Variants in DIS3L2 observed in about 807,000 individuals in gnomAD.
The protein encoded by DIS3L2 is DIS3-like exonuclease 2.
A neutral mutation model predicts 97.5 loss-of-function variants in DIS3L2; 34 were observed. That is an observed-to-expected ratio of 0.35 (90% confidence interval 0.27 to 0.46). The LOEUF is 0.46. Among genes scored for constraint, DIS3L2 ranks in the 20% least tolerant of loss-of-function variants. DIS3L2 has a pLI of 1.00. For synonymous variants in DIS3L2, 435 were observed against 445.2 expected, an observed-to-expected ratio of 0.98 and a Z score of 0.29; for missense variants, 1,038 against 1,146.0, an observed-to-expected ratio of 0.91 and a Z score of 1.36.
intron 13 of DIS3L2, among the ~76,000 whole-genome samples, chr2:232,291,457 G>C (rs1267481672): frequency 6.6e-6 from 1 of 152,272 alleles, no homozygotes; most frequent in Non-Finnish European, 1.5e-5. Context: ...GCTTAAGGAA[G>C]AGTTGGACAC....
chr2:231,986,498 T>C (rs1574788013), intron 1 of DIS3L2, among the ~76,000 whole-genome samples: 1 of 152,216 alleles, frequency 6.6e-6, no homozygotes, highest in African/African-American at 2.4e-5. Context: ...CTGGTCTGGG[T>C]CCACATATTG....
At chr2:232,026,942 G>A (rs1694675538) in intron 4 of DIS3L2, among the ~76,000 whole-genome samples, 1 of 152,054 alleles carries the variant, frequency 6.6e-6, no homozygotes, top group African/African-American at 2.4e-5. Flanking sequence ...TCCTGCTTGA[G>A]TCGTAATATT....
chr2:232,252,278 G>A (rs188121083), intron 12 of DIS3L2, among the ~76,000 whole-genome samples: 1,741 of 152,190 alleles, frequency 0.011, 26 homozygotes, highest in Middle Eastern at 0.02. Context: ...GCCTGGTGGC[G>A]GGCACCTATA....
At chr2:232,282,791 T>C (rs941386928) in intron 13 of DIS3L2, among the ~76,000 whole-genome samples, 5 of 152,174 alleles carry the variant, frequency 3.3e-5, no homozygotes, top group African/African-American at 1.2e-4. Flanking sequence ...TCTGGAGGCG[T>C]CCTGTGCTAA....
At chr2:232,306,501 C>A (rs755674133) in intron 14 of DIS3L2, among the ~76,000 whole-genome samples, 2 of 152,028 alleles carry the variant, frequency 1.3e-5, no homozygotes, top group African/African-American at 2.4e-5. Context: ...TCTCATTATT[C>A]TTCTATACTC....
chr2:232,198,562 G>A (rs1691816221), intron 9 of DIS3L2: 1 of 152,226 alleles, frequency 6.6e-6, no homozygotes, highest in Non-Finnish European at 1.5e-5. Flanking sequence ...AGAAAGAGAT[G>A]TTCAGAGAGA....
At chr2:232,148,748 CTTTTT>C (rs34837114) in intron 8 of DIS3L2, among the ~76,000 whole-genome samples, 118 of 98,896 alleles carry the variant, frequency 1.2e-3, no homozygotes, top group African/African-American at 2.6e-3. Flanking sequence ...AATTTTCTTT[CTTTTT>C]TTTTTTTTTT....
chr2:232,342,448 G>T (rs1304377619), intron 13 of DIS3L2, among the ~76,000 whole-genome samples: 2 of 152,148 alleles, frequency 1.3e-5, no homozygotes, highest in Middle Eastern at 3.2e-3. Context: ...ACTGCTGTTT[G>T]TTTTAACAAA....
intron 1 of DIS3L2, among the ~76,000 whole-genome samples, chr2:231,973,871 TACAACAACTATA>T (rs1692996958): frequency 6.6e-6 from 1 of 151,968 alleles, no homozygotes; most frequent in Non-Finnish European, 1.5e-5. Context: ...AACTAATAAT[TACAACAACTATA>T]ACAACAACCA....
At chr2:232,030,231 G>T in intron 5 of DIS3L2, 151 bp downstream of exon 5, 1 of 658,964 alleles carries the variant, frequency 1.5e-6, no homozygotes. Context: ...GCTACCGAAT[G>T]CTTGGAACTT....
chr2:232,281,586 T>C lies in DIS3L2; in HGVS notation c.1659+18146T>C, dbSNP rs1384076211. On this transcript the variant is annotated intron_variant, in intron 13 of 20. Coordinates refer to ENST00000325385, the MANE Select transcript of DIS3L2 (RefSeq NM_152383.5). The surrounding 1 kb of genome is among the most constrained non-coding windows in gnomAD (Gnocchi z 4.1). ...AGCCAGTTAGATGGCTGTGGCTGTA[T>C]GCAGGTGAGGCCACACAGCTGACAG... Among the ~76,000 whole-genome samples, 2 of 152,058 alleles carry C rather than the reference T, an allele frequency of 1.3e-5. No individual in the cohort carries two copies. The highest frequency in any genetic ancestry group is 2.9e-5 in the Non-Finnish European group (2 of 68,010).
At chr2:232,081,174 C>T (rs1034742244) in intron 5 of DIS3L2, among the ~76,000 whole-genome samples, 7 of 152,064 alleles carry the variant, frequency 4.6e-5, no homozygotes, top group African/African-American at 9.7e-5. Flanking sequence ...AAAAATACTT[C>T]GTAGGTGGTG....
intron 9 of DIS3L2, among the ~76,000 whole-genome samples, chr2:232,186,969 G>A (rs1451326647): frequency 3.3e-5 from 5 of 152,132 alleles, no homozygotes; most frequent in African/African-American, 9.7e-5. Flanking sequence ...TAAAAATTTT[G>A]TGCTTTGAAG....
chr2:232,113,340 A>C (rs1021922366), intron 6 of DIS3L2, among the ~76,000 whole-genome samples: 1 of 152,212 alleles, frequency 6.6e-6, no homozygotes, highest in Non-Finnish European at 1.5e-5. Flanking sequence ...TGCTCATTCC[A>C]CTACTCAGTA....
intron 11 of DIS3L2, among the ~76,000 whole-genome samples, chr2:232,239,772 A>T (rs1330037188): frequency 6.6e-6 from 1 of 152,232 alleles, no homozygotes; most frequent in Non-Finnish European, 1.5e-5. Context: ...AGGTATTGGC[A>T]CTTCTGGAGC....
chr2:232,341,060 G>C (rs919437260), downstream of DIS3L2: 6 of 397,582 alleles, frequency 1.5e-5, no homozygotes, highest in Non-Finnish European at 3.0e-5. Flanking sequence ...GAGGCACAAT[G>C]ATTGCCACCG....
chr2:232,158,237 A>G (rs554385064), intron 8 of DIS3L2, among the ~76,000 whole-genome samples: 1 of 152,238 alleles, frequency 6.6e-6, no homozygotes, highest in African/African-American at 2.4e-5. Context: ...TTTATGACTC[A>G]TGACAATGGA....
chr2:232,247,624 GGGGGGGGGGGGCGGGGGGGA>G (rs1693293645), intron 11 of DIS3L2, among the ~76,000 whole-genome samples: 2 of 59,216 alleles, frequency 3.4e-5, no homozygotes, highest in Non-Finnish European at 8.6e-5. Flanking sequence ...CGCGGGGGGG[GGGGGGGGGGGGCGGGGGGGA>G]GGGTGCCAAT....
At chr2:232,078,393 TC>T (rs1210152153) in intron 5 of DIS3L2, among the ~76,000 whole-genome samples, 6 of 152,014 alleles carry the variant, frequency 3.9e-5, no homozygotes, top group Admixed American at 6.5e-5. Context: ...CCCGCCCCGC[TC>T]CCCGGGAGGA....
Sources: allele counts gnomAD v4.1 joint callset (sites outside exome capture counted in the v4.1 genomes callset), GRCh38; gene constraint gnomAD v4.1.1; non-coding constraint Gnocchi (gnomAD v3.1); transcripts MANE v1.5; gene names NCBI Gene and HGNC (gene_info 2026-07-23, HGNC 2026-07-21).